EFHC2: variants seen among roughly 807,000 people sequenced by gnomAD.
EFHC2 encodes the protein EF-hand domain-containing family member C2.
In EFHC2, 18 loss-of-function variants were observed where a neutral mutation model predicts 52.7. The ratio of observed to expected loss-of-function variants is 0.34; its 90% CI spans 0.24 to 0.51. The LOEUF (loss-of-function observed/expected upper bound fraction) is 0.51. EFHC2 is among the 20% of genes least tolerant of loss of function. The probability of loss-of-function intolerance (pLI) is 0.97; values close to 1 mark genes in which losing one functional copy is unlikely to be tolerated. For missense variants in EFHC2, 513 were observed against 562.5 expected (o/e 0.91, Z 0.89); for synonymous variants, 203 against 204.1 (o/e 0.99, Z 0.04).
intron 11 of EFHC2, among the ~76,000 whole-genome samples, chrX:44,203,463 A>T (rs1208041513): frequency 8.9e-6 from 1 of 111,823 alleles, no homozygotes. Flanking sequence ...ACAGTGGCAT[A>T]GAACCAAAGG....
chrX:44,215,328 T>C (rs899675778), intron 11 of EFHC2, among the ~76,000 whole-genome samples: 3 of 111,305 alleles, frequency 2.7e-5, no homozygotes, highest in Admixed American at 9.6e-5. Context: ...TATTGCAAAC[T>C]CTAGAGCAAC....
At chrX:44,196,609 A>G (rs2036967651) in intron 11 of EFHC2, among the ~76,000 whole-genome samples, 1 of 111,979 alleles carries the variant, frequency 8.9e-6, no homozygotes, top group Non-Finnish European at 1.9e-5. Flanking sequence ...AGTCTTCCAG[A>G]AAAGGCAGAG....
chrX:44,276,431 A>T (rs1371302089), intron 2 of EFHC2, among the ~76,000 whole-genome samples: 1 of 112,252 alleles, frequency 8.9e-6, no homozygotes, highest in Non-Finnish European at 1.9e-5. Context: ...AAAAGAAAAT[A>T]AAAAAGAAAA....
chrX:44,320,931 C>G (rs1249299823), intron 1 of EFHC2, among the ~76,000 whole-genome samples: 2 of 111,323 alleles, frequency 1.8e-5, no homozygotes, highest in Non-Finnish European at 3.8e-5. Context: ...AGAGTATAAA[C>G]AGGGGCCAGT....
intron 11 of EFHC2, among the ~76,000 whole-genome samples, chrX:44,192,352 C>T (rs1159319408): frequency 9.0e-6 from 1 of 111,531 alleles, no homozygotes; most frequent in Non-Finnish European, 1.9e-5. Context: ...CTGTGTATTG[C>T]CTGAGGTCAT....
intron 11 of EFHC2, among the ~76,000 whole-genome samples, chrX:44,226,117 G>A (rs771293915): frequency 1.6e-4 from 18 of 111,617 alleles, no homozygotes; most frequent in African/African-American, 5.9e-4. Flanking sequence ...CTAGTGAGAT[G>A]GAAATACGGA....
chrX:44,207,263 A>G (rs1178242557), intron 11 of EFHC2, among the ~76,000 whole-genome samples: 1 of 111,972 alleles, frequency 8.9e-6, no homozygotes, highest in African/African-American at 3.2e-5. Context: ...TATAATCCCA[A>G]CACTCTGGGA....
At chrX:44,202,135 C>T (rs927108064) in intron 11 of EFHC2, among the ~76,000 whole-genome samples, 3 of 112,136 alleles carry the variant, frequency 2.7e-5, no homozygotes, top group Non-Finnish European at 5.6e-5. Context: ...AAAGAATCTA[C>T]AGACTCTGAG....
chrX:44,322,184 G>C (rs1353384206), intron 1 of EFHC2, among the ~76,000 whole-genome samples: 1 of 110,392 alleles, frequency 9.1e-6, no homozygotes, highest in Non-Finnish European at 1.9e-5. Flanking sequence ...AATCTCACAA[G>C]GTTCATTCTT....
chrX:44,258,977 G>A (rs1181539298), intron 4 of EFHC2, among the ~76,000 whole-genome samples: 1 of 111,489 alleles, frequency 9.0e-6, no homozygotes, highest in African/African-American at 3.3e-5. Context: ...CAACCATTGT[G>A]GAAGACAGTG....
intron 11 of EFHC2, among the ~76,000 whole-genome samples, chrX:44,188,220 G>A (rs1442904965): frequency 4.6e-5 from 5 of 109,467 alleles, no homozygotes; most frequent in African/African-American, 1.7e-4. Flanking sequence ...CTGGGCTCAA[G>A]CCATCTGCCT....
At chrX:44,290,325 A>G (rs2147366918) in intron 2 of EFHC2, among the ~76,000 whole-genome samples, 1 of 111,708 alleles carries the variant, frequency 9.0e-6, no homozygotes, top group Admixed American at 9.5e-5. Context: ...GTCTCATTCA[A>G]TAATATTTTT....
intron 11 of EFHC2, among the ~76,000 whole-genome samples, chrX:44,223,282 C>T (rs1051931625): frequency 3.6e-4 from 40 of 112,457 alleles, no homozygotes; most frequent in African/African-American, 1.1e-3. Flanking sequence ...TGGTAAAGGA[C>T]GATTGCCAGA....
In EFHC2 at chrX:44,312,590, G is replaced by A. The variant is rs1472399186; in HGVS notation, c.209C>T (p.Ser70Leu). Reference sequence around the variant, plus strand: ...TACCTGTTTATCAAAGGCTACCCATGATGGTACATCACTTCCATCTCCTTT... The same window carrying A: ...TACCTGTTTATCAAAGGCTACCCATAATGGTACATCACTTCCATCTCCTTT... ...YPKGDGSDVP[S>L]WVAFDKQVLS... Residue 70 changes from serine to leucine, a missense_variant, in exon 2 of 15, where the codon TCA becomes TTA. By Grantham distance (145) the Ser-to-Leu change is moderately radical (BLOSUM62 -2). Transcript: ENST00000420999. 1 of 1,202,322 alleles carries A rather than the reference G, an allele frequency of 8.3e-7. No homozygotes were observed. The highest frequency in any genetic ancestry group is 1.1e-6 in the Non-Finnish European group (1 of 892,126).
Position 44,312,767 on chromosome X carries a change from A to G in EFHC2, c.43-11T>C, listed in dbSNP as rs377224231. ...CTTCTCCTTTCCCACCTGTGAACAT[A>G]AGAGACAACATAAAATAGCCAAAGT... On this transcript the variant is annotated splice_polypyrimidine_tract_variant and intron_variant, in intron 1 of 14. Coordinates refer to ENST00000420999, the MANE Select transcript of EFHC2 (RefSeq NM_025184.4). The G allele has an allele frequency of 8.5e-7, 1 of 1,176,291 alleles. No homozygotes were observed. The highest frequency in any genetic ancestry group is 1.1e-6 in the Non-Finnish European group (1 of 880,087).
At chrX:44,204,294 C>G (rs1470738446) in intron 11 of EFHC2, among the ~76,000 whole-genome samples, 2 of 103,671 alleles carry the variant, frequency 1.9e-5, no homozygotes, top group Non-Finnish European at 3.9e-5. Context: ...GGAATCAGCA[C>G]AAGAACTCTG....
intron 2 of EFHC2, among the ~76,000 whole-genome samples, chrX:44,281,329 T>C (rs1486501496): frequency 8.9e-6 from 1 of 112,559 alleles, no homozygotes; most frequent in Non-Finnish European, 1.9e-5. Context: ...TATACCTTAA[T>C]ATAATAGTTC....
intron 11 of EFHC2, among the ~76,000 whole-genome samples, chrX:44,228,961 A>C (rs981721269): frequency 1.2e-4 from 13 of 112,146 alleles, no homozygotes; most frequent in Admixed American, 6.6e-4. Context: ...CTTTGTTTTC[A>C]GCCTAAGAAG....
At chrX:44,185,031 T>C (rs2036863627) in intron 11 of EFHC2, among the ~76,000 whole-genome samples, 1 of 111,989 alleles carries the variant, frequency 8.9e-6, no homozygotes, top group Admixed American at 9.5e-5. Context: ...GTTAGCAAGA[T>C]ATAAAAAGCA....
Sources: allele counts gnomAD v4.1 joint callset (sites outside exome capture counted in the v4.1 genomes callset), GRCh38; gene constraint gnomAD v4.1.1; transcripts MANE v1.5; gene names NCBI Gene and HGNC (gene_info 2026-07-23, HGNC 2026-07-21).